The following JAKMIP2 variants were observed in gnomAD, a reference collection of about 807,000 sequenced individuals.
JAKMIP2 encodes janus kinase and microtubule-interacting protein 2.
In JAKMIP2, 25 loss-of-function variants were observed where a neutral mutation model predicts 115.0. The observed-to-expected ratio is 0.22, with a 90% CI of 0.16 to 0.30. JAKMIP2 has a LOEUF of 0.30. Ranked by LOEUF, JAKMIP2 falls within the 10% of genes least tolerant of loss-of-function variation. The probability of loss-of-function intolerance (pLI) is 1.00; values close to 1 mark genes in which losing one functional copy is unlikely to be tolerated. For synonymous variants in JAKMIP2, 334 were observed against 343.6 expected (o/e 0.97, Z 0.31); for missense variants, 642 against 957.6 (o/e 0.67, Z 4.35).
At chr5:147,675,521 C>T (rs936143928) in intron 1 of JAKMIP2, among the ~76,000 whole-genome samples, 1 of 151,584 alleles carries the variant, frequency 6.6e-6, no homozygotes, top group African/African-American at 2.4e-5. Context: ...AGTCACATAC[C>T]GTAACATTCA....
At chr5:147,631,233 A>G (rs1757333933) in intron 14 of JAKMIP2, among the ~76,000 whole-genome samples, 180 bp downstream of exon 14, 1 of 152,196 alleles carries the variant, frequency 6.6e-6, no homozygotes, top group South Asian at 2.1e-4. Context: ...TATCTGTCAC[A>G]CATTAAAAAA....
chr5:147,643,154 C>T (rs527580217), intron 7 of JAKMIP2, among the ~76,000 whole-genome samples: 1 of 152,238 alleles, frequency 6.6e-6, no homozygotes, highest in Admixed American at 6.5e-5. Context: ...TTACTTCTGT[C>T]CCTCTAGAGA....
intron 20 of JAKMIP2, 124 bp from the exon 21 acceptor site, chr5:147,601,935 C>T: frequency 2.2e-6 from 1 of 463,532 alleles, no homozygotes; most frequent in Non-Finnish European, 3.9e-6. Flanking sequence ...CATCAAGCAC[C>T]TTTTTGTTTA....
chr5:147,662,021 C>T (rs1171072376), intron 2 of JAKMIP2: 2 of 151,396 alleles, frequency 1.3e-5, no homozygotes, highest in African/African-American at 4.9e-5. Context: ...TATTATTGAG[C>T]ATCCGTCTCC....
intron 1 of JAKMIP2, among the ~76,000 whole-genome samples, chr5:147,707,196 T>C (rs10039071): frequency 0.026 from 3,953 of 152,264 alleles, 178 homozygotes; most frequent in African/African-American, 0.09. Context: ...GGGTCTGTGT[T>C]AGATGTGCAA....
chr5:147,728,613 T>C (rs1437117107), intron 1 of JAKMIP2, among the ~76,000 whole-genome samples: 1 of 152,210 alleles, frequency 6.6e-6, no homozygotes, highest in Non-Finnish European at 1.5e-5. Context: ...TCTGATTAAC[T>C]GGCTGAAAAA....
At chr5:147,686,342 G>A (rs1340331463) in intron 1 of JAKMIP2, among the ~76,000 whole-genome samples, 1 of 151,992 alleles carries the variant, frequency 6.6e-6, no homozygotes, top group Admixed American at 6.6e-5. Flanking sequence ...TGGTGGGGGG[G>A]CACTGTTTTC....
rs76718247 is a variant in JAKMIP2, at chr5:147,670,395, G to A, written c.129+1283C>T. ...CTTACTGTATAATTATCTAAATAAGGCAACTTTATGCTGTCATGGTGGTCT... is the reference window on the plus strand; with the variant it reads ...CTTACTGTATAATTATCTAAATAAGACAACTTTATGCTGTCATGGTGGTCT... On this transcript the variant is annotated intron_variant, in intron 2 of 21. Transcript: ENST00000616793. Among the ~76,000 whole-genome samples the A allele has an allele frequency of 9.4e-4, 143 of 152,170 alleles. 1 individual carries two copies. The highest frequency in any genetic ancestry group is 7.3e-3 in the East Asian group (38 of 5,176).
chr5:147,620,666 C>CA lies in JAKMIP2; in HGVS notation c.2141dup (p.Met714IlefsTer24). 1 of 1,609,000 alleles carries CA rather than the reference C, an allele frequency of 6.2e-7. No homozygotes were observed. Among genetic ancestry groups the CA allele is most frequent in the Non-Finnish European group, 8.5e-7 (1 of 1,175,626 alleles). On this transcript the variant is annotated frameshift_variant and splice_region_variant, in exon 18 of 22. Coordinates refer to ENST00000616793, the MANE Select transcript of JAKMIP2 (RefSeq NM_001270941.2). LOFTEE classifies it high-confidence loss of function. The stretch of plus-strand genomic sequence containing the variant: ...TGTCTCTATCACTTGTTGTACCTAC[C>CA]ATATATGCTTGGTCAAGAGCTTGTT...
chr5:147,770,672 TC>T (rs1561586061), intron 1 of JAKMIP2, among the ~76,000 whole-genome samples: 1 of 152,116 alleles, frequency 6.6e-6, no homozygotes, highest in African/African-American at 2.4e-5. Flanking sequence ...GAGGTGAAAT[TC>T]CTGTGAAACT....
chr5:147,711,658 C>T (rs1752786423), intron 1 of JAKMIP2, among the ~76,000 whole-genome samples: 1 of 152,022 alleles, frequency 6.6e-6, no homozygotes. Context: ...AGTGTGTAAC[C>T]CATAGTAATT....
intron 20 of JAKMIP2, among the ~76,000 whole-genome samples, chr5:147,603,851 CA>C (rs533095864): frequency 6.9e-4 from 105 of 152,218 alleles, no homozygotes; most frequent in African/African-American, 2.3e-3. Context: ...TCCCTTCTTC[CA>C]AAATTTTTGA....
At chr5:147,764,903 A>G (rs958661131) in intron 1 of JAKMIP2, among the ~76,000 whole-genome samples, 2 of 97,176 alleles carry the variant, frequency 2.1e-5, no homozygotes, top group Non-Finnish European at 3.8e-5. Context: ...AGAAAGAAAG[A>G]AAGAAAGAAA....
At chr5:147,764,629 T>C (rs1755046831) in intron 1 of JAKMIP2, among the ~76,000 whole-genome samples, 1 of 151,892 alleles carries the variant, frequency 6.6e-6, no homozygotes, top group South Asian at 2.1e-4. Context: ...CTCACGACCC[T>C]GTAATCCCAG....
chr5:147,672,241 T>C (rs886546388), intron 1 of JAKMIP2, among the ~76,000 whole-genome samples: 1 of 152,226 alleles, frequency 6.6e-6, no homozygotes, highest in Non-Finnish European at 1.5e-5. Flanking sequence ...CTCGCTCTTC[T>C]ATCCTCATCT....
intron 1 of JAKMIP2, among the ~76,000 whole-genome samples, chr5:147,780,314 C>T (rs571899351): frequency 9.2e-4 from 140 of 152,200 alleles, no homozygotes; most frequent in South Asian, 3.7e-3. Context: ...AAGGGATTTG[C>T]CTCTGTTCAA....
At chr5:147,626,469 CT>C (rs1757103626) in intron 16 of JAKMIP2, among the ~76,000 whole-genome samples, 1 of 152,184 alleles carries the variant, frequency 6.6e-6, no homozygotes, top group South Asian at 2.1e-4. Flanking sequence ...AGATCATGGG[CT>C]TTAGAACCAG....
chr5:147,739,615 CA>C (rs1254802911), intron 1 of JAKMIP2, among the ~76,000 whole-genome samples: 2 of 152,202 alleles, frequency 1.3e-5, no homozygotes, highest in African/African-American at 4.8e-5. Context: ...CAGTAGGCAA[CA>C]GAAGCTTCAC....
intron 21 of JAKMIP2, among the ~76,000 whole-genome samples, chr5:147,597,674 A>G (rs1389959145): frequency 6.6e-6 from 1 of 152,224 alleles, no homozygotes; most frequent in African/African-American, 2.4e-5. Context: ...ATCTGGTGAT[A>G]GCTATTTTTG....
Sources: gnomAD v4.1 joint callset for allele counts (sites outside exome capture counted in the v4.1 genomes callset) on GRCh38, gnomAD v4.1.1 for gene constraint, MANE v1.5 for transcripts, NCBI Gene and HGNC (gene_info 2026-07-23, HGNC 2026-07-21) for gene names.